The following ARHGAP31 variants were observed in gnomAD, a reference collection of about 807,000 sequenced individuals.
The protein encoded by ARHGAP31 is rho GTPase-activating protein 31.
A neutral mutation model predicts 113.9 loss-of-function variants in ARHGAP31; 34 were observed. The ratio of observed to expected loss-of-function variants is 0.30; its 90% confidence interval spans 0.23 to 0.40. The LOEUF (loss-of-function observed/expected upper bound fraction) is 0.40. Among genes scored for constraint, ARHGAP31 ranks in the 10% least tolerant of loss-of-function variants. The pLI is 1.00. For synonymous variants in ARHGAP31, 650 were observed against 684.8 expected, an observed-to-expected ratio of 0.95 and a Z score of 0.79; for missense variants, 1,548 against 1,767.1, an observed-to-expected ratio of 0.88 and a Z score of 2.22.
chr3:119,336,957 G>A (rs967554432), intron 1 of ARHGAP31, among the ~76,000 whole-genome samples: 2 of 152,090 alleles, frequency 1.3e-5, no homozygotes, highest in Non-Finnish European at 2.9e-5. Context: ...ATTTTCAAGG[G>A]ATATCCACAT....
chr3:119,314,934 T>C (rs1313149230), intron 1 of ARHGAP31, among the ~76,000 whole-genome samples: 2 of 152,228 alleles, frequency 1.3e-5, no homozygotes, highest in Non-Finnish European at 2.9e-5. Context: ...TGAGTCCTTA[T>C]AGACATCCCC....
chr3:119,394,090 T>A (rs2080527336), intron 8 of ARHGAP31, among the ~76,000 whole-genome samples: 3 of 152,194 alleles, frequency 2.0e-5, no homozygotes, highest in Admixed American at 2.0e-4. Context: ...TGTCCAGTGT[T>A]TTCTCATGGT....
chr3:119,377,928 C>G (rs1215189411), intron 3 of ARHGAP31, among the ~76,000 whole-genome samples: 1 of 152,032 alleles, frequency 6.6e-6, no homozygotes, highest in African/African-American at 2.4e-5. Context: ...GTTGGGCCAC[C>G]CTGGTGACAG....
chr3:119,360,613 C>A lies in ARHGAP31; in HGVS notation c.101-4703C>A, dbSNP rs575909893. On this transcript the variant is annotated intron_variant, in intron 1 of 11. Transcript: ENST00000264245. ...TCAAGAGGTTAGGACATGAGGAAAA[C>A]ATGCCATGTTATTTATAAGTGTAAA... Among the ~76,000 whole-genome samples, 7 of 152,270 alleles carry A rather than the reference C, an allele frequency of 4.6e-5. No individual in the cohort carries two copies. In the South Asian group the frequency reaches 1.5e-3, roughly 32 times the overall value.
intron 1 of ARHGAP31, among the ~76,000 whole-genome samples, chr3:119,356,880 A>T (rs2107618975): frequency 6.6e-6 from 1 of 152,154 alleles, no homozygotes; most frequent in East Asian, 1.9e-4. Flanking sequence ...TACATGTCAC[A>T]TGTACAAGAA....
At chr3:119,339,030 A>G (rs954811807) in intron 1 of ARHGAP31, among the ~76,000 whole-genome samples, 3 of 152,242 alleles carry the variant, frequency 2.0e-5, no homozygotes, top group African/African-American at 7.2e-5. Flanking sequence ...GTATATCAAG[A>G]CTGAATGAGA....
intron 6 of ARHGAP31, among the ~76,000 whole-genome samples, chr3:119,388,090 G>T (rs145342304): frequency 1.3e-5 from 2 of 152,222 alleles, no homozygotes; most frequent in East Asian, 3.9e-4. Flanking sequence ...GGCCAATGTG[G>T]CTGGAACCAA....
chr3:119,393,590 G>C lies in ARHGAP31; in HGVS notation c.1005G>C (p.Ser335=). 2 of 1,613,982 alleles carry C rather than the reference G, an allele frequency of 1.2e-6. No homozygotes were observed. The highest frequency in any genetic ancestry group is 1.1e-5 in the South Asian group (1 of 91,062). Residue 335 remains serine (S), a splice_region_variant and synonymous_variant, in exon 8 of 12, where the codon TCG becomes TCC. Transcript: ENST00000264245. ...TATTTGTGAGAGGACAGAGGCTCTC[G>C]GGTAAGAATCAACAGCAATTGTTTT... ...GSVFVRGQRL[S]VEKATIRPAK...
chr3:119,329,189 T>C (rs571630594), intron 1 of ARHGAP31, among the ~76,000 whole-genome samples: 1 of 152,334 alleles, frequency 6.6e-6, no homozygotes, highest in African/African-American at 2.4e-5. Context: ...CTAGAGAGTT[T>C]AGGGGTGCCT....
At position 119,383,093 on chromosome 3, in the gene ARHGAP31, A is replaced by G; in HGVS notation, c.549A>G (p.Glu183=). The G allele has an allele frequency of 1.9e-6, 3 of 1,614,182 alleles. No homozygotes were observed. Among genetic ancestry groups the G allele is most frequent in the Non-Finnish European group, 2.5e-6 (3 of 1,180,040 alleles). ...TTCTTCCACACGGTAGGTCTAAAGA[A>G]ATTGAAGCCACTGGTTGCAATGGAG... ...VWAPNLLRSK[E]IEATGCNGDA... Residue 183 remains glutamate (E), a synonymous_variant, in exon 6 of 12, where the codon GAA becomes GAG. Transcript: ENST00000264245.
intron 1 of ARHGAP31, among the ~76,000 whole-genome samples, chr3:119,328,485 A>T (rs2079864554): frequency 2.0e-5 from 3 of 152,174 alleles, no homozygotes; most frequent in South Asian, 2.1e-4. Flanking sequence ...CAACATCCTT[A>T]TACTGATTTT....
At chr3:119,378,314 G>C (rs2080366087) in intron 3 of ARHGAP31, among the ~76,000 whole-genome samples, 1 of 152,028 alleles carries the variant, frequency 6.6e-6, no homozygotes, top group South Asian at 2.1e-4. Flanking sequence ...CCTCCAGAAG[G>C]AAAACATGAA....
intron 1 of ARHGAP31, among the ~76,000 whole-genome samples, chr3:119,321,900 G>A (rs1228938460): frequency 4.6e-5 from 7 of 152,180 alleles, no homozygotes; most frequent in African/African-American, 1.2e-4. Context: ...TGATCTGCCC[G>A]CCTCAGCCTC....
intron 1 of ARHGAP31, among the ~76,000 whole-genome samples, chr3:119,337,362 C>T (rs890162429): frequency 6.6e-6 from 1 of 152,180 alleles, no homozygotes; most frequent in African/African-American, 2.4e-5. Flanking sequence ...CCGGTGGCTT[C>T]ATGCTCTCGC....
chr3:119,325,313 G>T (rs1480817564), intron 1 of ARHGAP31, among the ~76,000 whole-genome samples: 2 of 152,208 alleles, frequency 1.3e-5, no homozygotes, highest in African/African-American at 4.8e-5. Flanking sequence ...AACCATCGCA[G>T]CTGTCATGCA....
At chr3:119,337,506 G>C (rs746510172) in intron 1 of ARHGAP31, among the ~76,000 whole-genome samples, 2 of 152,162 alleles carry the variant, frequency 1.3e-5, no homozygotes, top group African/African-American at 2.4e-5. Flanking sequence ...ATACTGACGG[G>C]ACCCAAATGA....
chr3:119,298,272 C>T (rs2079550763), intron 1 of ARHGAP31, among the ~76,000 whole-genome samples: 1 of 152,204 alleles, frequency 6.6e-6, no homozygotes, highest in Admixed American at 6.5e-5. Context: ...GGGAGATCAT[C>T]CCTTCCTTAC....
At chr3:119,316,236 A>C (rs1268836207) in intron 1 of ARHGAP31, among the ~76,000 whole-genome samples, 1 of 152,206 alleles carries the variant, frequency 6.6e-6, no homozygotes, top group African/African-American at 2.4e-5. Flanking sequence ...TGGAGTGGGG[A>C]TCTAACAAGA....
In ARHGAP31 at chr3:119,368,437, G is replaced by T; in HGVS notation, c.269G>T (p.Cys90Phe). Residue 90 changes from cysteine (C) to phenylalanine (F), a missense_variant, in exon 3 of 12, where the codon TGT (cysteine) becomes TTT (phenylalanine). Transcript: ENST00000264245. Reference protein sequence around the residue: ...TREVYLQDIHCVGSLCKLYFR... With the variant: ...TREVYLQDIHFVGSLCKLYFR... ...GAAGTGTACCTCCAGGACATCCACT[G>T]TGTGGGCTCGCTTTGCAAGCTCTAC... The T allele has an allele frequency of 6.2e-7, 1 of 1,614,156 alleles. No individual in the cohort carries two copies. The highest frequency in any genetic ancestry group is 8.5e-7 in the Non-Finnish European group (1 of 1,180,006).
Sources: allele counts gnomAD v4.1 joint callset (sites outside exome capture counted in the v4.1 genomes callset), GRCh38; gene constraint gnomAD v4.1.1; transcripts MANE v1.5; gene names NCBI Gene and HGNC (gene_info 2026-07-23, HGNC 2026-07-21).